RAE1: variants seen among roughly 807,000 people sequenced by gnomAD.
The protein encoded by RAE1 is mRNA export factor RAE1.
A neutral mutation model predicts 52.7 loss-of-function variants in RAE1; 13 were observed. The observed-to-expected ratio is 0.25, with a 90% CI of 0.16 to 0.39. RAE1 has a LOEUF of 0.39. Ranked by LOEUF, RAE1 falls within the 10% of genes least tolerant of loss-of-function variation. The pLI is 1.00. For synonymous variants in RAE1, 164 were observed against 153.1 expected, an observed-to-expected ratio of 1.07 and a Z score of -0.52; for missense variants, 262 against 459.8, an observed-to-expected ratio of 0.57 and a Z score of 3.93.
chr20:57,373,420 G>C (rs1467513325), intron 8 of RAE1, 55 bp from the exon 9 acceptor site: 3 of 1,538,820 alleles, frequency 1.9e-6, no homozygotes, highest in Non-Finnish European at 8.9e-7. Context: ...CTTCACGTTA[G>C]TCATGAAATC....
At chr20:57,354,615 A>G (rs2066757559) in intron 2 of RAE1, 97 bp from the exon 3 acceptor site, 1 of 816,972 alleles carries the variant, frequency 1.2e-6, no homozygotes, top group Non-Finnish European at 1.9e-6. Flanking sequence ...TCTTGTACAC[A>G]AGGAAAGGCC....
intron 7 of RAE1, 124 bp downstream of exon 7, chr20:57,367,203 T>TA (rs960333862): frequency 1.2e-4 from 100 of 854,506 alleles, no homozygotes; most frequent in Non-Finnish European, 1.7e-4. Context: ...TAGTAATAGA[T>TA]ATAAAGGATC....
rs1047461006 is a variant in RAE1, at chr20:57,367,161, G to A, written c.534+82G>A. The stretch of plus-strand genomic sequence containing the variant: ...CTCACCTTGTGGCGTCCTGCAGTTA[G>A]TGAGTGGATAATATAAAAATCCTGC... On this transcript the variant is annotated intron_variant, in intron 7 of 11. Coordinates refer to ENST00000395841, the MANE Select transcript of RAE1 (RefSeq NM_003610.4). 7 of 1,194,144 alleles carry A rather than the reference G, an allele frequency of 5.9e-6. No homozygotes were observed. The Admixed American group carries it at 1.6e-4, about 27-fold the overall frequency. The allele number at this position is 1,194,144 out of a possible 1,614,324, so 74.0% of individuals were successfully genotyped here.
chr20:57,374,295 GT>G (rs1251761263), intron 10 of RAE1, among the ~76,000 whole-genome samples: 1 of 152,206 alleles, frequency 6.6e-6, no homozygotes, highest in East Asian at 1.9e-4. Flanking sequence ...CTGGTAGACA[GT>G]TCACACCCAC....
chr20:57,358,624 C>T (rs1325222711), intron 4 of RAE1: 1 of 174,408 alleles, frequency 5.7e-6, no homozygotes, highest in African/African-American at 2.4e-5. Flanking sequence ...TCACATAGGA[C>T]TTTAATCATT....
intron 4 of RAE1, among the ~76,000 whole-genome samples, chr20:57,357,209 T>A (rs6099574): frequency 0.04 from 6,053 of 152,310 alleles, 179 homozygotes; most frequent in African/African-American, 0.089. Flanking sequence ...AGTTGTGTTC[T>A]AGATATAGAA....
chr20:57,375,224 G>T, intron 11 of RAE1: 1 of 602,910 alleles, frequency 1.7e-6, no homozygotes, highest in East Asian at 2.7e-5. Flanking sequence ...CTTTGGGCAT[G>T]ATGGTGAAAT....
At chr20:57,351,915 T>A in intron 1 of RAE1, 5 of 985,514 alleles carry the variant, frequency 5.1e-6, no homozygotes, top group Non-Finnish European at 6.0e-6. Flanking sequence ...GCAGTACTTC[T>A]CCAGGCAAGT....
intron 3 of RAE1, among the ~76,000 whole-genome samples, chr20:57,355,956 A>G (rs998266016): frequency 4.6e-5 from 7 of 152,258 alleles, no homozygotes; most frequent in African/African-American, 1.7e-4. Flanking sequence ...AGTGTCTTCC[A>G]GAAAATATGC....
chr20:57,371,561 C>T (rs1173837906), intron 8 of RAE1: 2 of 152,196 alleles, frequency 1.3e-5, no homozygotes, highest in South Asian at 4.1e-4. Context: ...CCAAAGATAA[C>T]AAGCGCTGGG....
intron 7 of RAE1, 87 bp downstream of exon 7, chr20:57,367,166 T>C: frequency 8.7e-7 from 1 of 1,154,436 alleles, no homozygotes; most frequent in Middle Eastern, 2.1e-4. Flanking sequence ...AGTTAGTGAG[T>C]GGATAATATA....
chr20:57,377,795 G>C (rs2067137799), intron 11 of RAE1, among the ~76,000 whole-genome samples: 1 of 151,764 alleles, frequency 6.6e-6, no homozygotes, highest in African/African-American at 2.4e-5. Flanking sequence ...GACTCTCTCA[G>C]TAGGACATTG....
At chr20:57,371,233 AC>A (rs2067031324) in intron 8 of RAE1, 1 of 152,250 alleles carries the variant, frequency 6.6e-6, no homozygotes, top group Non-Finnish European at 1.5e-5. Context: ...TGTTAAACTA[AC>A]AGCTCTTGCA....
intron 4 of RAE1, chr20:57,358,616 A>G (rs147947065): frequency 1.1e-4 from 19 of 169,278 alleles, no homozygotes; most frequent in South Asian, 5.8e-4. Flanking sequence ...AACTGAGATC[A>G]CATAGGACTT....
chr20:57,351,438 C>T lies in RAE1; in HGVS notation c.-8+16C>T. On this transcript the variant is annotated intron_variant, in intron 1 of 11. Transcript: ENST00000395841. ...AGACCCCCAGGTAGGCCCCGTGCCG[C>T]GCGCGTCCCGTCGTTAACCGCCGCC... The T allele has an allele frequency of 1.0e-6, 1 of 985,472 alleles. No individual in the cohort carries two copies. The highest frequency in any genetic ancestry group is 1.2e-6 in the Non-Finnish European group (1 of 829,974). 61.0% of individuals were successfully genotyped at this position (985,472 alleles called of 1,614,324 possible). A position where few individuals can be genotyped will look rare whatever the true frequency, so the allele number is the denominator to read the frequency against.
At position 57,378,944 on chromosome 20, in the gene RAE1, C is replaced by T. The variant is rs899312095; in HGVS notation, c.*845C>T. The T allele has an allele frequency of 6.6e-6, 1 of 152,184 alleles. No individual in the cohort carries two copies. The highest frequency in any genetic ancestry group is 2.4e-5 in the African/African-American group (1 of 41,432). The allele number at this position is 152,184 out of a possible 1,614,324, so 9.4% of individuals were successfully genotyped here. A position where few individuals can be genotyped will look rare whatever the true frequency, so the allele number is the denominator to read the frequency against. ...CCTCAGTAGTGGTTGTTTGGCTGTT[C>T]TTTTGTATTTTGTGTAATTTAAAAT... On this transcript the variant is annotated 3_prime_UTR_variant, in exon 12 of 12. Coordinates refer to ENST00000395841, the MANE Select transcript of RAE1 (RefSeq NM_003610.4).
Position 57,373,528 on chromosome 20 carries a change from C to T in RAE1, c.696C>T (p.Ala232=). Reference sequence around the variant, plus strand: ...AACAGAACAAGCCTACTGGTTTTGCCCTGGGAAGTATCGAGGGGAGAGTTG... The same window carrying T: ...AACAGAACAAGCCTACTGGTTTTGCTCTGGGAAGTATCGAGGGGAGAGTTG... ...KDKQNKPTGF[A]LGSIEGRVAI... Residue 232 remains alanine, a synonymous_variant, in exon 9 of 12, where the codon GCC becomes GCT. Transcript: ENST00000395841. The T allele has an allele frequency of 6.2e-7, 1 of 1,614,120 alleles. No individual in the cohort carries two copies. Among genetic ancestry groups the T allele is most frequent in the Non-Finnish European group, 8.5e-7 (1 of 1,180,032 alleles).
chr20:57,364,974 G>A (rs1278225725), intron 4 of RAE1, among the ~76,000 whole-genome samples: 2 of 152,090 alleles, frequency 1.3e-5, no homozygotes, highest in Admixed American at 6.5e-5. Flanking sequence ...GTGCTTATGG[G>A]TATTTTTTGT....
At chr20:57,359,007 A>C in intron 4 of RAE1, 2 of 1,519,776 alleles carry the variant, frequency 1.3e-6, no homozygotes, top group Non-Finnish European at 1.8e-6. Flanking sequence ...CACTGGTTGA[A>C]AGTAAGAGAC....
Sources: allele counts gnomAD v4.1 joint callset (sites outside exome capture counted in the v4.1 genomes callset), GRCh38; gene constraint gnomAD v4.1.1; transcripts MANE v1.5; gene names NCBI Gene and HGNC (gene_info 2026-07-23, HGNC 2026-07-21).